Variants in CTNND2 observed in about 807,000 individuals in gnomAD.
CTNND2 encodes catenin delta 2.
A neutral mutation model predicts 144.4 loss-of-function variants in CTNND2; 22 were observed. That is an observed-to-expected ratio of 0.15 (90% CI 0.11 to 0.22). CTNND2 has a LOEUF of 0.22. Ranked by LOEUF, CTNND2 falls within the 10% of genes least tolerant of loss-of-function variation. CTNND2 has a pLI of 1.00. For synonymous variants in CTNND2, 751 were observed against 695.6 expected (o/e 1.08, Z -1.25); for missense variants, 1,353 against 1,618.8 (o/e 0.84, Z 2.82).
chr5:11,610,772 C>T (rs1172461752), intron 2 of CTNND2, among the ~76,000 whole-genome samples: 1 of 152,174 alleles, frequency 6.6e-6, no homozygotes, highest in Non-Finnish European at 1.5e-5. Flanking sequence ...AGAGGTTTGT[C>T]TACACTGTTG....
At chr5:11,594,322 C>A (rs1779403486) in intron 2 of CTNND2, among the ~76,000 whole-genome samples, 1 of 152,156 alleles carries the variant, frequency 6.6e-6, no homozygotes, top group African/African-American at 2.4e-5. Context: ...AAAGTAATTG[C>A]AGTTTTTGCC....
At chr5:11,722,814 A>G (rs1379978263) in intron 2 of CTNND2, among the ~76,000 whole-genome samples, 1 of 152,200 alleles carries the variant, frequency 6.6e-6, no homozygotes, top group Non-Finnish European at 1.5e-5. Flanking sequence ...GGGAACTACA[A>G]TTTGAGATGA....
chr5:11,279,663 T>C (rs1292884173), intron 9 of CTNND2, among the ~76,000 whole-genome samples: 1 of 152,164 alleles, frequency 6.6e-6, no homozygotes, highest in Admixed American at 6.5e-5. Flanking sequence ...GACTGGGTAA[T>C]TTATAAGAAA....
intron 3 of CTNND2, among the ~76,000 whole-genome samples, chr5:11,455,756 A>G (rs551086484): frequency 6.6e-6 from 1 of 152,340 alleles, no homozygotes; most frequent in African/African-American, 2.4e-5. Context: ...TTTACTTTAG[A>G]TAATGGCAAC....
At position 10,988,322 on chromosome 5, in the gene CTNND2, C is replaced by T. The variant is rs1561128546; in HGVS notation, c.3212-80G>A. 6.4e-7 allele frequency: 1 copy of T among 1,550,674 alleles called. No homozygotes were observed. The highest frequency in any genetic ancestry group is 2.3e-5 in the East Asian group (1 of 44,418). ...GCCTTCCACACAGTCAGGGTCCTCACTATGCATGGTCCCGCATCTCAATGC... is the reference window on the plus strand; with the variant it reads ...GCCTTCCACACAGTCAGGGTCCTCATTATGCATGGTCCCGCATCTCAATGC... On this transcript the variant is annotated intron_variant, in intron 19 of 21. Coordinates refer to ENST00000304623, the MANE Select transcript of CTNND2 (RefSeq NM_001332.4). This position sits in a 1 kb window ranked among gnomAD's most constrained non-coding sequence, Gnocchi z 5.9.
intron 2 of CTNND2, among the ~76,000 whole-genome samples, chr5:11,642,432 G>A (rs1782116333): frequency 6.6e-6 from 1 of 152,172 alleles, no homozygotes. Context: ...TGAGAGGGTG[G>A]CGCTGCGAAA....
intron 9 of CTNND2, among the ~76,000 whole-genome samples, chr5:11,297,764 G>C (rs965082491): frequency 2.0e-5 from 3 of 152,058 alleles, no homozygotes; most frequent in Non-Finnish European, 4.4e-5. Context: ...CAGGAGGAGT[G>C]GGGTGACTAA....
chr5:11,105,297 T>C (rs558310976), intron 14 of CTNND2, among the ~76,000 whole-genome samples: 1 of 152,380 alleles, frequency 6.6e-6, no homozygotes, highest in Admixed American at 6.5e-5. Flanking sequence ...TTTGGTAATA[T>C]GTCCTTCGAA....
At chr5:11,591,347 T>A (rs146945802) in intron 2 of CTNND2, among the ~76,000 whole-genome samples, 1 of 152,174 alleles carries the variant, frequency 6.6e-6, no homozygotes, top group Admixed American at 6.5e-5. Flanking sequence ...GATTGATATA[T>A]CCCTCTTGTA....
intron 9 of CTNND2, among the ~76,000 whole-genome samples, chr5:11,268,951 A>C (rs1037223865): frequency 5.9e-5 from 9 of 152,230 alleles, no homozygotes; most frequent in African/African-American, 2.2e-4. Context: ...AATGTTAGTT[A>C]ACAAAACTGA....
At chr5:11,273,945 A>C (rs1219529283) in intron 9 of CTNND2, among the ~76,000 whole-genome samples, 2 of 152,154 alleles carry the variant, frequency 1.3e-5, no homozygotes, top group Non-Finnish European at 2.9e-5. Flanking sequence ...ATTTGAATGA[A>C]TATATAGATT....
intron 9 of CTNND2, among the ~76,000 whole-genome samples, chr5:11,254,945 T>C (rs1222412719): frequency 6.6e-6 from 1 of 152,202 alleles, no homozygotes; most frequent in Non-Finnish European, 1.5e-5. Flanking sequence ...CAGACCAACA[T>C]CTTTCTCTGA....
Position 11,011,837 on chromosome 5 carries a change from T to G in CTNND2, c.3084+6137A>C, listed in dbSNP as rs532848618. Among the ~76,000 whole-genome samples, 6 of 152,254 alleles carry G rather than the reference T, an allele frequency of 3.9e-5. No individual in the cohort carries two copies. The Middle Eastern group carries it at 0.01, about 259-fold the overall frequency. ...TCTGTTGTAAACATGGGACTCTGTT[T>G]CCTATAGGAATATCGCTAGCAGGCA... is the stretch of plus-strand genomic sequence containing the variant. On this transcript the variant is annotated intron_variant, in intron 18 of 21. Coordinates refer to ENST00000304623, the MANE Select transcript of CTNND2 (RefSeq NM_001332.4).
chr5:11,819,181 C>T (rs1793178298), intron 1 of CTNND2, among the ~76,000 whole-genome samples: 1 of 152,216 alleles, frequency 6.6e-6, no homozygotes, highest in African/African-American at 2.4e-5. Context: ...ACACTGTAAT[C>T]CCAGCACTTT....
At chr5:11,565,971 G>A (rs1456059456) in intron 2 of CTNND2, among the ~76,000 whole-genome samples, 1 of 152,144 alleles carries the variant, frequency 6.6e-6, no homozygotes, top group Non-Finnish European at 1.5e-5. Context: ...TTGGGGATAA[G>A]AAACAAGAAT....
chr5:11,737,480 G>T (rs940095136), intron 1 of CTNND2, among the ~76,000 whole-genome samples: 8 of 152,316 alleles, frequency 5.3e-5, no homozygotes, highest in Non-Finnish European at 8.8e-5. Context: ...AGACAGCAGT[G>T]CGGGAAGAAC....
At chr5:11,586,244 A>T (rs141935815) in intron 2 of CTNND2, among the ~76,000 whole-genome samples, 1,886 of 152,240 alleles carry the variant, frequency 0.012, 35 homozygotes, top group African/African-American at 0.044. Context: ...CTCACTGTTC[A>T]TGCTCTCCTT....
chr5:11,655,073 G>A (rs1419798641), intron 2 of CTNND2, among the ~76,000 whole-genome samples: 1 of 152,024 alleles, frequency 6.6e-6, no homozygotes, highest in Non-Finnish European at 1.5e-5. Flanking sequence ...TTATCAGTCA[G>A]TTATACTGGG....
intron 10 of CTNND2, among the ~76,000 whole-genome samples, chr5:11,229,348 A>G (rs949793305): frequency 6.6e-6 from 1 of 152,208 alleles, no homozygotes; most frequent in Non-Finnish European, 1.5e-5. Context: ...TAATTGATTT[A>G]TTAACTTATA....
Sources: allele counts gnomAD v4.1 joint callset (sites outside exome capture counted in the v4.1 genomes callset), GRCh38; gene constraint gnomAD v4.1.1; non-coding constraint Gnocchi (gnomAD v3.1); transcripts MANE v1.5; gene names NCBI Gene and HGNC (gene_info 2026-07-23, HGNC 2026-07-21).